The following CTNNA2 variants were observed in gnomAD, a reference collection of about 807,000 sequenced individuals.
CTNNA2 encodes the protein catenin alpha-2.
In CTNNA2, 42 loss-of-function variants were observed where a neutral mutation model predicts 101.0. That is an observed-to-expected ratio of 0.42 (90% confidence interval 0.32 to 0.54). CTNNA2 has a LOEUF of 0.54. Ranked by LOEUF, CTNNA2 falls within the 20% of genes least tolerant of loss-of-function variation. CTNNA2 has a pLI of 0.14. For missense variants in CTNNA2, 871 were observed against 1,223.1 expected, an observed-to-expected ratio of 0.71 and a Z score of 4.29; for synonymous variants, 450 against 456.4, an observed-to-expected ratio of 0.99 and a Z score of 0.18.
In CTNNA2 at chr2:79,365,046, G is replaced by A. The variant is rs564578900; in HGVS notation, c.-317-8785G>A. ...AATTCAATACTTTGGGAGGTGAGGT[G>A]GGTGGATCACCTGAGGTCAGGAGTT... On this transcript the variant is annotated intron_variant, in intron 3 of 21. Coordinates refer to the CTNNA2 transcript ENST00000466387. Among the ~76,000 whole-genome samples, 9 of 152,116 alleles carry A rather than the reference G, an allele frequency of 5.9e-5. No homozygotes were observed. The South Asian group carries it at 1.9e-3, about 32-fold the overall frequency.
At chr2:80,417,249 T>C (rs1680125843) in intron 8 of CTNNA2, among the ~76,000 whole-genome samples, 1 of 150,628 alleles carries the variant, frequency 6.6e-6, no homozygotes, top group Admixed American at 6.6e-5. Flanking sequence ...AATCATCTTA[T>C]ATACTTTTTT....
chr2:79,232,549 T>TCA lies in CTNNA2; in HGVS notation c.-406+34473_-406+34474insCA, dbSNP rs1230183163. ...TTTTGCTATCAGAATGATGCTGGCT[T>TCA]TACAGAATGAATTAGGGAGAAACCC... On this transcript the variant is annotated intron_variant, in intron 2 of 21. Transcript: ENST00000466387. Among the ~76,000 whole-genome samples the TCA allele has an allele frequency of 4.8e-4, 73 of 152,350 alleles. No homozygotes were observed. In the East Asian group the frequency reaches 0.014, roughly 28 times the overall value.
intron 7 of CTNNA2, among the ~76,000 whole-genome samples, chr2:80,090,598 G>A (rs1573044047): frequency 6.6e-6 from 1 of 152,056 alleles, no homozygotes; most frequent in Non-Finnish European, 1.5e-5. Context: ...TTCAGTTCTT[G>A]AACCTCATCT....
At chr2:80,609,898 T>C (rs1484072285) in intron 17 of CTNNA2, among the ~76,000 whole-genome samples, 9 of 151,680 alleles carry the variant, frequency 5.9e-5, no homozygotes, top group African/African-American at 1.2e-4. Context: ...AAAGCTTCAT[T>C]TCCATTGTCT....
At chr2:79,250,284 A>C (rs1674753843) in intron 2 of CTNNA2, among the ~76,000 whole-genome samples, 1 of 152,148 alleles carries the variant, frequency 6.6e-6, no homozygotes, top group African/African-American at 2.4e-5. Context: ...ACCCTCAAAA[A>C]GCAAGCCTTT....
intron 7 of CTNNA2, among the ~76,000 whole-genome samples, chr2:80,202,005 C>G (rs1306669269): frequency 6.6e-6 from 1 of 152,136 alleles, no homozygotes; most frequent in Admixed American, 6.6e-5. Flanking sequence ...ACATTCTTAT[C>G]CCCTGCACCC....
intron 4 of CTNNA2, among the ~76,000 whole-genome samples, chr2:79,380,140 C>T (rs1286679363): frequency 1.3e-5 from 2 of 152,042 alleles, no homozygotes; most frequent in Non-Finnish European, 2.9e-5. Flanking sequence ...CAAAATGATA[C>T]ATAGTGAAAA....
chr2:79,744,331 T>G, intron 2 of CTNNA2, 56 bp from the exon 3 acceptor site: 8 of 1,479,016 alleles, frequency 5.4e-6, no homozygotes, highest in South Asian at 1.3e-5. Context: ...TGAGATAACA[T>G]GACATTTCTA....
At chr2:80,062,923 T>C (rs1697706229) in intron 7 of CTNNA2, among the ~76,000 whole-genome samples, 1 of 152,108 alleles carries the variant, frequency 6.6e-6, no homozygotes, top group East Asian at 1.9e-4. Context: ...GCTAGGATGG[T>C]CTCGATCTCC....
chr2:79,342,954 T>C (rs963432457), intron 3 of CTNNA2, among the ~76,000 whole-genome samples: 4 of 152,194 alleles, frequency 2.6e-5, no homozygotes, highest in South Asian at 2.1e-4. Context: ...CCTTCTCCTA[T>C]GGCAATAAAT....
At chr2:79,351,104 C>A (rs1230208623) in intron 3 of CTNNA2, among the ~76,000 whole-genome samples, 2 of 152,034 alleles carry the variant, frequency 1.3e-5, no homozygotes, top group African/African-American at 4.8e-5. Flanking sequence ...TCTGCTATTT[C>A]TTTTTCTGTG....
intron 3 of CTNNA2, among the ~76,000 whole-genome samples, chr2:79,783,992 T>C (rs1674649996): frequency 6.6e-6 from 1 of 152,214 alleles, no homozygotes; most frequent in Non-Finnish European, 1.5e-5. Flanking sequence ...AACTGTATTT[T>C]AGCTTTATGA....
chr2:80,629,820 G>T (rs561554502), intron 18 of CTNNA2, among the ~76,000 whole-genome samples: 1 of 152,138 alleles, frequency 6.6e-6, no homozygotes, highest in African/African-American at 2.4e-5. Context: ...TTTGCTGAAC[G>T]TATCCTGGAG....
chr2:79,351,229 T>C (rs1251674176), intron 3 of CTNNA2, among the ~76,000 whole-genome samples: 1 of 152,152 alleles, frequency 6.6e-6, no homozygotes, highest in Non-Finnish European at 1.5e-5. Flanking sequence ...GAAGAGTTTT[T>C]CTTAGGTTTT....
intron 2 of CTNNA2, among the ~76,000 whole-genome samples, chr2:79,200,011 T>G (rs2104178110): frequency 6.7e-6 from 1 of 149,696 alleles, no homozygotes; most frequent in African/African-American, 2.5e-5. Context: ...AATAGTTCAA[T>G]TGAGACGTAG....
intron 7 of CTNNA2, among the ~76,000 whole-genome samples, chr2:79,944,424 T>G (rs1688357422): frequency 6.6e-6 from 1 of 152,228 alleles, no homozygotes; most frequent in South Asian, 2.1e-4. Context: ...AAAAAAAGTT[T>G]GGACTTCTAG....
intron 6 of CTNNA2, among the ~76,000 whole-genome samples, chr2:79,881,435 T>C (rs1683416669): frequency 6.6e-6 from 1 of 152,198 alleles, no homozygotes; most frequent in African/African-American, 2.4e-5. Flanking sequence ...TATTATTGTG[T>C]GTAGAGACCT....
At chr2:79,344,490 A>G (rs1353612499) in intron 3 of CTNNA2, among the ~76,000 whole-genome samples, 1 of 152,074 alleles carries the variant, frequency 6.6e-6, no homozygotes, top group East Asian at 1.9e-4. Flanking sequence ...AGGTCTCTAT[A>G]CCAGTGCACA....
chr2:79,832,047 G>T (rs1678970379), intron 3 of CTNNA2, among the ~76,000 whole-genome samples: 2 of 152,000 alleles, frequency 1.3e-5, no homozygotes, highest in South Asian at 4.1e-4. Flanking sequence ...AAGATAAAGT[G>T]CCTGCAGTCA....
Sources: gnomAD v4.1 joint callset for allele counts (sites outside exome capture counted in the v4.1 genomes callset) on GRCh38, gnomAD v4.1.1 for gene constraint, MANE v1.5 for transcripts, NCBI Gene and HGNC (gene_info 2026-07-23, HGNC 2026-07-21) for gene names.